Variants in XKR6 observed in about 807,000 individuals in gnomAD.
The protein encoded by XKR6 is XK-related protein 6.
A neutral mutation model predicts 56.7 loss-of-function variants in XKR6; 22 were observed. The ratio of observed to expected loss-of-function variants is 0.39; its 90% CI spans 0.28 to 0.55. The LOEUF (loss-of-function observed/expected upper bound fraction) is 0.55, where lower values mean the gene tolerates loss of function less well. XKR6 is among the 20% of genes least tolerant of loss of function. The pLI is 0.66. For missense variants in XKR6, 852 were observed against 889.0 expected (o/e 0.96, Z 0.53); for synonymous variants, 524 against 387.8 (o/e 1.35, Z -4.13).
intron 1 of XKR6, among the ~76,000 whole-genome samples, chr8:10,927,906 T>C (rs1800942706): frequency 6.6e-6 from 1 of 152,172 alleles, no homozygotes; most frequent in African/African-American, 2.4e-5. Flanking sequence ...TGGTGCCTCC[T>C]GGGTCACCCG....
At chr8:11,049,233 T>A (rs1242383462) in intron 1 of XKR6, among the ~76,000 whole-genome samples, 1 of 152,266 alleles carries the variant, frequency 6.6e-6, no homozygotes, top group Non-Finnish European at 1.5e-5. Context: ...AGGCACCCAC[T>A]GGCTTAATGA....
intron 1 of XKR6, among the ~76,000 whole-genome samples, chr8:11,148,176 C>T (rs1202559142): frequency 2.0e-5 from 3 of 152,152 alleles, no homozygotes; most frequent in Non-Finnish European, 4.4e-5. Context: ...TACCACTGTA[C>T]TCCAGCCTGG....
At chr8:10,904,586 G>A (rs566321233) in intron 2 of XKR6, among the ~76,000 whole-genome samples, 1 of 152,286 alleles carries the variant, frequency 6.6e-6, no homozygotes, top group African/African-American at 2.4e-5. Context: ...GAGCAGGTGA[G>A]GCAGGAGAGC....
intron 1 of XKR6, among the ~76,000 whole-genome samples, chr8:11,068,349 C>A (rs1370071869): frequency 6.6e-6 from 1 of 152,116 alleles, no homozygotes; most frequent in Non-Finnish European, 1.5e-5. Flanking sequence ...GCTGGGCAGG[C>A]TGAACATCTC....
At chr8:10,916,368 T>C (rs1203425898) in intron 2 of XKR6, among the ~76,000 whole-genome samples, 1 of 152,142 alleles carries the variant, frequency 6.6e-6, no homozygotes, top group Non-Finnish European at 1.5e-5. Flanking sequence ...TTAACCAAGA[T>C]CCCAAAGTTT....
At chr8:10,938,695 C>T (rs557585179) in intron 1 of XKR6, among the ~76,000 whole-genome samples, 20 of 152,210 alleles carry the variant, frequency 1.3e-4, no homozygotes, top group African/African-American at 4.8e-4. Flanking sequence ...GAAATTAAGG[C>T]ATGATTTGCT....
intron 1 of XKR6, among the ~76,000 whole-genome samples, chr8:11,115,503 C>G (rs572452182): frequency 8.5e-5 from 13 of 152,334 alleles, no homozygotes; most frequent in African/African-American, 3.1e-4. Flanking sequence ...CACCATTCAT[C>G]TATGCCCATT....
At chr8:10,907,341 T>A (rs1447152251) in intron 2 of XKR6, among the ~76,000 whole-genome samples, 1 of 151,900 alleles carries the variant, frequency 6.6e-6, no homozygotes, top group Non-Finnish European at 1.5e-5. Context: ...GAAAGATCTC[T>A]TTTTTTTGCC....
chr8:11,101,003 C>G (rs1798453792), intron 1 of XKR6, among the ~76,000 whole-genome samples: 1 of 152,176 alleles, frequency 6.6e-6, no homozygotes, highest in Non-Finnish European at 1.5e-5. Flanking sequence ...CTCCCTTACC[C>G]ACCCTGCAGT....
chr8:11,105,374 C>T (rs552216925), intron 1 of XKR6: 1 of 152,322 alleles, frequency 6.6e-6, no homozygotes, highest in East Asian at 1.9e-4. Context: ...CCTTTTCTTT[C>T]CTATTTTGCC....
At chr8:10,929,835 T>C (rs567404639) in intron 1 of XKR6, among the ~76,000 whole-genome samples, 10 of 152,332 alleles carry the variant, frequency 6.6e-5, no homozygotes, top group East Asian at 3.9e-4. Flanking sequence ...TGAGGTGCCC[T>C]GTTCCTGTGT....
intron 1 of XKR6, among the ~76,000 whole-genome samples, chr8:11,000,547 C>T (rs1439236560): frequency 1.3e-5 from 2 of 152,032 alleles, no homozygotes; most frequent in Admixed American, 6.6e-5. Context: ...TAGCCAGGCA[C>T]AGTGGCACAC....
chr8:11,078,345 A>G (rs1800327841), intron 1 of XKR6, among the ~76,000 whole-genome samples: 1 of 152,162 alleles, frequency 6.6e-6, no homozygotes, highest in South Asian at 2.1e-4. Context: ...AGCTCCTGCC[A>G]CTTGCCCAAG....
Position 11,200,880 on chromosome 8 carries a change from A to G in XKR6, c.460T>C (p.Tyr154His). ...GTDLWLALDY[Y>H]RKGDYVYFGL... is the part of the protein sequence containing the mutation. The stretch of plus-strand genomic sequence containing the variant: ...AAGTAGACGTAGTCCCCCTTGCGGT[A>G]GTAGTCGAGGGCCAGCCACAGGTCG... The change falls in exon 1 of 3, where the codon TAC becomes CAC. Residue 154 changes from tyrosine (Y) to histidine (H), a missense_variant. Tyr to His is a moderately conservative substitution (Grantham distance 83). Around this residue, in one of 4 missense-constraint regions of XKR6, gnomAD observed 417 missense variants for 355.2 expected, o/e 1.17. Coordinates refer to ENST00000416569, the MANE Select transcript of XKR6 (RefSeq NM_173683.4). This position sits in a 1 kb window ranked among gnomAD's most constrained non-coding sequence, Gnocchi z 6.4. The G allele has an allele frequency of 6.2e-7, 1 of 1,611,534 alleles. No homozygotes were observed. The highest frequency in any genetic ancestry group is 8.5e-7 in the Non-Finnish European group (1 of 1,179,414).
intron 1 of XKR6, among the ~76,000 whole-genome samples, chr8:11,155,218 C>A (rs915901442): frequency 1.3e-5 from 2 of 152,200 alleles, no homozygotes; most frequent in Admixed American, 6.5e-5. Context: ...GCCTTACTGT[C>A]TTGCTTCAGG....
intron 1 of XKR6, chr8:11,124,270 A>T: frequency 2.9e-6 from 1 of 344,470 alleles, no homozygotes; most frequent in South Asian, 2.3e-5. Flanking sequence ...CTGTTAGGCA[A>T]AACACAAACC....
chr8:11,038,591 G>C (rs1017123503), intron 1 of XKR6, among the ~76,000 whole-genome samples: 1 of 150,776 alleles, frequency 6.6e-6, no homozygotes, highest in African/African-American at 2.4e-5. Context: ...CTGGAGTGCA[G>C]TTGTATGATC....
At chr8:11,190,165 GAAAGAAAGA>G (rs749465092) in intron 1 of XKR6, among the ~76,000 whole-genome samples, 1,550 of 85,438 alleles carry the variant, frequency 0.018, 39 homozygotes, top group Non-Finnish European at 0.027. Flanking sequence ...CAAAAAAAAA[GAAAGAAAGA>G]AAAGAAAGAA....
intron 1 of XKR6, among the ~76,000 whole-genome samples, chr8:11,149,271 G>A (rs556814423): frequency 6.6e-6 from 1 of 152,176 alleles, no homozygotes; most frequent in East Asian, 1.9e-4. Flanking sequence ...ATTGCTCCTA[G>A]GCTACAAACC....
Sources: allele counts gnomAD v4.1 joint callset (sites outside exome capture counted in the v4.1 genomes callset), GRCh38; gene constraint gnomAD v4.1.1; regional missense constraint gnomAD v4.1.1; non-coding constraint Gnocchi (gnomAD v3.1); transcripts MANE v1.5; gene names NCBI Gene and HGNC (gene_info 2026-07-23, HGNC 2026-07-21).